The following PITPNC1 variants were observed in gnomAD, a reference collection of about 807,000 sequenced individuals.
PITPNC1 encodes the protein phosphatidylinositol transfer protein cytoplasmic 1.
A neutral mutation model predicts 44.7 loss-of-function variants in PITPNC1; 18 were observed. The observed-to-expected ratio is 0.40, with a 90% CI of 0.28 to 0.60. The LOEUF (loss-of-function observed/expected upper bound fraction) is 0.60, where lower values mean the gene tolerates loss of function less well. PITPNC1 is among the 20% of genes least tolerant of loss of function. PITPNC1 has a pLI of 0.39. For synonymous variants in PITPNC1, 141 were observed against 149.6 expected (o/e 0.94, Z 0.42); for missense variants, 290 against 418.4 (o/e 0.69, Z 2.68).
In PITPNC1 at chr17:67,552,317, T is replaced by G; in HGVS notation, c.258T>G (p.Ala86=). The G allele has an allele frequency of 5.0e-6, 8 of 1,595,362 alleles. No individual in the cohort carries two copies. The highest frequency in any genetic ancestry group is 6.9e-6 in the Non-Finnish European group (8 of 1,162,896). The part of the protein sequence containing the change: ...VPKIFYVTEK[A]WNYYPYTITE... Reference sequence around the variant, plus strand: ...AAATATTTTATGTGACAGAGAAGGCTTGGAACTATTATCCCTACACAATTA... The same window carrying G: ...AAATATTTTATGTGACAGAGAAGGCGTGGAACTATTATCCCTACACAATTA... Residue 86 remains alanine (A), a synonymous_variant, in exon 3 of 9, where the codon GCT becomes GCG. Coordinates refer to ENST00000581322, the MANE Select transcript of PITPNC1 (RefSeq NM_012417.4).
At chr17:67,470,390 T>G (rs1034421957) in intron 1 of PITPNC1, among the ~76,000 whole-genome samples, 1 of 152,202 alleles carries the variant, frequency 6.6e-6, no homozygotes. Context: ...GTCAATTACT[T>G]CTCTCTACCC....
At chr17:67,546,517 A>T (rs1353733032) in intron 2 of PITPNC1, among the ~76,000 whole-genome samples, 2 of 152,108 alleles carry the variant, frequency 1.3e-5, no homozygotes, top group African/African-American at 2.4e-5. Flanking sequence ...GGGATCTCAG[A>T]GGTTTTCCAG....
intron 4 of PITPNC1, among the ~76,000 whole-genome samples, chr17:67,576,371 C>G (rs1192459190): frequency 6.6e-6 from 1 of 152,156 alleles, no homozygotes; most frequent in Non-Finnish European, 1.5e-5. Context: ...GTAATAGTAC[C>G]TCCTTCACGG....
At chr17:67,661,960 A>C (rs946857029) in intron 6 of PITPNC1, among the ~76,000 whole-genome samples, 8 of 151,116 alleles carry the variant, frequency 5.3e-5, no homozygotes, top group African/African-American at 2.0e-4. Flanking sequence ...ACGCCACTGC[A>C]CTCCAGCCTA....
chr17:67,690,833 G>T (rs186221150), intron 8 of PITPNC1, among the ~76,000 whole-genome samples: 241 of 152,220 alleles, frequency 1.6e-3, no homozygotes, highest in Non-Finnish European at 2.6e-3. Flanking sequence ...GGCTGGGCAC[G>T]GTGGCTCAGG....
At chr17:67,540,234 G>T (rs138549210) in intron 2 of PITPNC1, among the ~76,000 whole-genome samples, 3,271 of 152,126 alleles carry the variant, frequency 0.022, 73 homozygotes, top group South Asian at 0.036. Context: ...CTCCTGAGTA[G>T]CTGGGATTAC....
At chr17:67,443,305 C>T (rs1567991758) in intron 1 of PITPNC1, among the ~76,000 whole-genome samples, 1 of 152,008 alleles carries the variant, frequency 6.6e-6, no homozygotes, top group African/African-American at 2.4e-5. Flanking sequence ...CCTGTTAGCT[C>T]TCAAGTTTCA....
At chr17:67,452,515 G>GT (rs1256807066) in intron 1 of PITPNC1, among the ~76,000 whole-genome samples, 21 of 135,462 alleles carry the variant, frequency 1.6e-4, no homozygotes, top group African/African-American at 5.5e-4. Context: ...GAATTGCTGG[G>GT]GTTTTTTTTT....
chr17:67,575,839 C>CTTCT (rs1285304183), intron 4 of PITPNC1, among the ~76,000 whole-genome samples: 9 of 92,896 alleles, frequency 9.7e-5, no homozygotes, highest in South Asian at 3.9e-4. Flanking sequence ...TCCTTCCTTC[C>CTTCT]TTCTTTCTTT....
intron 1 of PITPNC1, among the ~76,000 whole-genome samples, chr17:67,472,506 G>A (rs1013499178): frequency 2.0e-5 from 3 of 151,622 alleles, no homozygotes; most frequent in African/African-American, 7.3e-5. Flanking sequence ...AATTAGCCGG[G>A]CGTGGTGGTG....
At chr17:67,513,879 A>G (rs530793863) in intron 1 of PITPNC1, among the ~76,000 whole-genome samples, 129 of 152,052 alleles carry the variant, frequency 8.5e-4, no homozygotes, top group African/African-American at 3.0e-3. Context: ...ATTTGTAATT[A>G]GATAGTGTCT....
At chr17:67,494,214 T>TCTCTCTCTCTCTCTCTCTCTCTCTC (rs1568012975) in intron 1 of PITPNC1, among the ~76,000 whole-genome samples, 11 of 149,836 alleles carry the variant, frequency 7.3e-5, no homozygotes, top group African/African-American at 2.2e-4. Context: ...TCTTTCTTTC[T>TCTCTCTCTCTCTCTCTCTCTCTCTC]TTTTGAGACG....
chr17:67,440,739 G>C (rs1270378557), intron 1 of PITPNC1, among the ~76,000 whole-genome samples: 1 of 151,430 alleles, frequency 6.6e-6, no homozygotes, highest in Non-Finnish European at 1.5e-5. Flanking sequence ...AGGGATAGGG[G>C]TCTTGCCATG....
intron 6 of PITPNC1, among the ~76,000 whole-genome samples, chr17:67,635,700 TAA>T (rs1311354973): frequency 6.6e-6 from 1 of 152,122 alleles, no homozygotes; most frequent in African/African-American, 2.4e-5. Context: ...ATCAGGAGTC[TAA>T]AAGAATTGGC....
intron 1 of PITPNC1, among the ~76,000 whole-genome samples, chr17:67,437,487 T>G (rs2038953520): frequency 1.3e-5 from 2 of 152,186 alleles, no homozygotes; most frequent in Non-Finnish European, 2.9e-5. Flanking sequence ...ACCTTGATTT[T>G]GGGCTTCTAC....
At chr17:67,511,589 A>G (rs1369215718) in intron 1 of PITPNC1, among the ~76,000 whole-genome samples, 1 of 152,086 alleles carries the variant, frequency 6.6e-6, no homozygotes, top group South Asian at 2.1e-4. Context: ...GCTCACTGCA[A>G]CCTCTGCCTC....
chr17:67,619,832 G>A (rs2041808177), intron 5 of PITPNC1, among the ~76,000 whole-genome samples: 2 of 151,664 alleles, frequency 1.3e-5, no homozygotes, highest in Non-Finnish European at 2.9e-5. Context: ...CAGCTTGTCT[G>A]CAGCGGTGTG....
chr17:67,476,716 C>T (rs1159193955), intron 1 of PITPNC1, among the ~76,000 whole-genome samples: 2 of 151,970 alleles, frequency 1.3e-5, no homozygotes, highest in South Asian at 2.1e-4. Context: ...AATTCCTGGG[C>T]TCAAGCAATA....
intron 6 of PITPNC1, among the ~76,000 whole-genome samples, chr17:67,664,873 C>G (rs566640966): frequency 3.9e-4 from 59 of 151,232 alleles, no homozygotes; most frequent in Admixed American, 3.5e-3. Context: ...CCACTGTACT[C>G]CAGCCTGGGC....
Sources: gnomAD v4.1 joint callset for allele counts (sites outside exome capture counted in the v4.1 genomes callset) on GRCh38, gnomAD v4.1.1 for gene constraint, MANE v1.5 for transcripts, NCBI Gene and HGNC (gene_info 2026-07-23, HGNC 2026-07-21) for gene names.